Variants in OR2L13 observed in about 807,000 individuals in gnomAD.
OR2L13 encodes olfactory receptor family 2 subfamily L member 13.
Under a neutral mutation model 15.3 loss-of-function variants are expected in OR2L13, and 14 were observed. The ratio of observed to expected loss-of-function variants is 0.91; its 90% CI spans 0.60 to 1.43. OR2L13 has a LOEUF of 1.43. Ranked by LOEUF, OR2L13 falls within the 40% of genes most tolerant of loss-of-function variation. OR2L13 has a pLI of 0.00. For missense variants in OR2L13, 367 were observed against 387.9 expected (o/e 0.95, Z 0.45); for synonymous variants, 152 against 142.9 (o/e 1.06, Z -0.45).
the OR2L13 span, among the ~76,000 whole-genome samples, chr1:247,948,083 C>T: frequency 5.3e-5 from 8 of 152,018 alleles, no homozygotes; most frequent in African/African-American, 1.5e-4. Flanking sequence ...CATTGTGGCA[C>T]GTGGCTGTAG....
the OR2L13 span, among the ~76,000 whole-genome samples, chr1:247,950,864 A>G: frequency 6.6e-6 from 1 of 152,132 alleles, no homozygotes; most frequent in Non-Finnish European, 1.5e-5. Context: ...GTAGCAAACA[A>G]TAATTCATTG....
chr1:248,060,797 T>A, the OR2L13 span: 1 of 1,613,920 alleles, frequency 6.2e-7, no homozygotes, highest in Non-Finnish European at 8.5e-7. Flanking sequence ...ATGGCTCTAA[T>A]TGGAAACCTA....
the OR2L13 span, chr1:248,038,363 C>G: frequency 6.2e-7 from 1 of 1,613,516 alleles, no homozygotes; most frequent in Non-Finnish European, 8.5e-7. Flanking sequence ...TCATTTTTCT[C>G]ATTTTCCTAA....
the OR2L13 span, chr1:247,975,217 C>T: frequency 1.3e-5 from 5 of 399,186 alleles, no homozygotes; most frequent in East Asian, 6.2e-5. Flanking sequence ...GCTCACATTT[C>T]ATATATGCCC....
At chr1:247,959,368 C>G in the OR2L13 span, among the ~76,000 whole-genome samples, 1 of 152,112 alleles carries the variant, frequency 6.6e-6, no homozygotes, top group African/African-American at 2.4e-5. Flanking sequence ...TTCTGGCTGC[C>G]CTTAACATTT....
chr1:248,090,560 T>G (rs1032062559), upstream of OR2L13, among the ~76,000 whole-genome samples: 2 of 152,186 alleles, frequency 1.3e-5, no homozygotes, highest in Non-Finnish European at 2.9e-5. Flanking sequence ...GTTCCTTGGT[T>G]GGTTTGCTTA....
chr1:248,080,346 G>A, the OR2L13 span, among the ~76,000 whole-genome samples: 1 of 151,988 alleles, frequency 6.6e-6, no homozygotes, highest in African/African-American at 2.4e-5. Flanking sequence ...TGTTGCATAG[G>A]AATACACGTG....
the OR2L13 span, chr1:247,965,104 TATCTC>T: frequency 3.3e-6 from 1 of 303,888 alleles, no homozygotes; most frequent in Non-Finnish European, 6.0e-6. Context: ...TAATTTAAGT[TATCTC>T]ATGTATGTTT....
At chr1:247,987,346 TTAAGA>T in the OR2L13 span, among the ~76,000 whole-genome samples, 847 of 151,818 alleles carry the variant, frequency 5.6e-3, 11 homozygotes, top group Middle Eastern at 0.024. Context: ...TTTCTTTTAA[TTAAGA>T]TAACTTTTTT....
At chr1:247,989,590 T>C in the OR2L13 span, among the ~76,000 whole-genome samples, 11 of 152,330 alleles carry the variant, frequency 7.2e-5, no homozygotes, top group East Asian at 1.9e-3. Flanking sequence ...TCACAAAATA[T>C]AATTTCTGGG....
chr1:248,020,298 T>C, the OR2L13 span, among the ~76,000 whole-genome samples: 2 of 152,192 alleles, frequency 1.3e-5, no homozygotes, highest in Non-Finnish European at 2.9e-5. Flanking sequence ...CGCTGTTTGC[T>C]GATGCTATGA....
the OR2L13 span, among the ~76,000 whole-genome samples, chr1:248,044,804 C>T: frequency 8.0e-6 from 1 of 124,982 alleles, no homozygotes; most frequent in Non-Finnish European, 1.7e-5. Flanking sequence ...AGCGAAACTC[C>T]GTCTCAAAAA....
the OR2L13 span, chr1:248,038,765 A>G: frequency 2.5e-6 from 4 of 1,614,162 alleles, no homozygotes; most frequent in South Asian, 4.4e-5. Context: ...TCTGTATCCC[A>G]TATTGCAAGT....
chr1:248,015,151 G>C, the OR2L13 span, among the ~76,000 whole-genome samples: 1 of 152,186 alleles, frequency 6.6e-6, no homozygotes, highest in South Asian at 2.1e-4. Flanking sequence ...ACCTTAAAGA[G>C]TTGTGGTTCT....
the OR2L13 span, among the ~76,000 whole-genome samples, chr1:247,968,901 A>G: frequency 6.6e-6 from 1 of 152,168 alleles, no homozygotes; most frequent in African/African-American, 2.4e-5. Context: ...CTAGTTCTAG[A>G]TCCGTGAGGA....
the OR2L13 span, among the ~76,000 whole-genome samples, chr1:247,956,265 A>G: frequency 2.6e-4 from 40 of 152,170 alleles, 1 homozygote; most frequent in East Asian, 5.6e-3. Flanking sequence ...GATATGCGGC[A>G]TTATTTCTGA....
chr1:248,036,780 T>C, the OR2L13 span, among the ~76,000 whole-genome samples: 1 of 152,192 alleles, frequency 6.6e-6, no homozygotes, highest in Non-Finnish European at 1.5e-5. Flanking sequence ...AAGTGAATGG[T>C]CATTTCTCCA....
At chr1:247,986,029 A>G in the OR2L13 span, among the ~76,000 whole-genome samples, 2 of 151,962 alleles carry the variant, frequency 1.3e-5, no homozygotes, top group Admixed American at 1.3e-4. Flanking sequence ...AGATGAGTAG[A>G]TTGCAAAAAA....
At chr1:248,004,236 T>C in the OR2L13 span, among the ~76,000 whole-genome samples, 84 of 152,208 alleles carry the variant, frequency 5.5e-4, no homozygotes, top group Non-Finnish European at 9.7e-4. Flanking sequence ...ATGTATATAA[T>C]TCTAAACAAC....
Sources: gnomAD v4.1 joint callset for allele counts (sites outside exome capture counted in the v4.1 genomes callset) on GRCh38, gnomAD v4.1.1 for gene constraint, MANE v1.5 for transcripts, NCBI Gene and HGNC (gene_info 2026-07-23, HGNC 2026-07-21) for gene names.